CDYL: variants seen among roughly 807,000 people sequenced by gnomAD.
CDYL encodes the protein chromodomain Y-like protein.
CDYL carries 8 observed loss-of-function variants against 47.3 expected under a neutral mutation model. The ratio of observed to expected loss-of-function variants is 0.17; its 90% confidence interval spans 0.10 to 0.31. The LOEUF (loss-of-function observed/expected upper bound fraction) is 0.31. Ranked by LOEUF, CDYL falls within the 10% of genes least tolerant of loss-of-function variation. CDYL has a pLI of 1.00. For synonymous variants in CDYL, 266 were observed against 265.0 expected, an observed-to-expected ratio of 1.00 and a Z score of -0.04; for missense variants, 471 against 701.4, an observed-to-expected ratio of 0.67 and a Z score of 3.71.
chr6:4,894,267 A>G (rs1009194087), intron 2 of CDYL, among the ~76,000 whole-genome samples: 4 of 152,266 alleles, frequency 2.6e-5, no homozygotes, highest in Admixed American at 1.3e-4. Context: ...TCTTCCCAGC[A>G]TTGCTTGTTG....
chr6:4,760,480 G>A (rs1008268473), intron 3 of CDYL, among the ~76,000 whole-genome samples: 6 of 152,102 alleles, frequency 3.9e-5, no homozygotes, highest in Admixed American at 6.6e-5. Context: ...TGTGCTGAAT[G>A]CTAAAGACAC....
chr6:4,914,007 T>C (rs767708974), intron 2 of CDYL, among the ~76,000 whole-genome samples: 1 of 152,156 alleles, frequency 6.6e-6, no homozygotes, highest in African/African-American at 2.4e-5. Context: ...GACTGACTGC[T>C]CTCTCTATGG....
At chr6:4,886,287 ACT>A (rs1363528357) in intron 1 of CDYL, among the ~76,000 whole-genome samples, 1 of 151,892 alleles carries the variant, frequency 6.6e-6, no homozygotes, top group African/African-American at 2.4e-5. Context: ...TCATATGGTA[ACT>A]CTATTCGAGG....
At chr6:4,921,811 A>C (rs903076537) in intron 2 of CDYL, among the ~76,000 whole-genome samples, 1 of 151,868 alleles carries the variant, frequency 6.6e-6, no homozygotes, top group South Asian at 2.1e-4. Context: ...TTTTTTAACC[A>C]ATTACATTCA....
chr6:4,725,425 G>A (rs531150907), intron 2 of CDYL, among the ~76,000 whole-genome samples: 3 of 152,368 alleles, frequency 2.0e-5, no homozygotes, highest in East Asian at 1.9e-4. Flanking sequence ...AGCCCACAGC[G>A]AGGTGGGGAG....
At chr6:4,733,160 G>A (rs1223920799) in intron 2 of CDYL, 7 of 152,208 alleles carry the variant, frequency 4.6e-5, no homozygotes, top group Admixed American at 6.5e-5. Flanking sequence ...CTTCCCCAGG[G>A]CCTGAGCAGT....
intron 1 of CDYL, among the ~76,000 whole-genome samples, chr6:4,803,910 G>T (rs1352907712): frequency 6.6e-6 from 1 of 151,060 alleles, no homozygotes; most frequent in African/African-American, 2.4e-5. Context: ...CCTTATATTG[G>T]TGGTGTAAAT....
chr6:4,914,136 C>T (rs1158212546), intron 2 of CDYL, among the ~76,000 whole-genome samples: 1 of 151,318 alleles, frequency 6.6e-6, no homozygotes, highest in Admixed American at 6.6e-5. Context: ...GTCTTAGGCC[C>T]TGTGTGTCTC....
chr6:4,922,661 T>G (rs1189879646), intron 2 of CDYL, among the ~76,000 whole-genome samples: 1 of 152,252 alleles, frequency 6.6e-6, no homozygotes, highest in Non-Finnish European at 1.5e-5. Flanking sequence ...ATCATTGTTA[T>G]TTATCTGTGT....
chr6:4,805,661 G>A (rs1262077025), intron 1 of CDYL, among the ~76,000 whole-genome samples: 1 of 152,138 alleles, frequency 6.6e-6, no homozygotes, highest in African/African-American at 2.4e-5. Context: ...GAGACTGAAG[G>A]CCCGGGAACC....
chr6:4,774,196 G>C (rs1758380700), upstream of CDYL, among the ~76,000 whole-genome samples: 1 of 152,168 alleles, frequency 6.6e-6, no homozygotes, highest in Non-Finnish European at 1.5e-5. Flanking sequence ...TTGCATAATA[G>C]GCTTATATGT....
At chr6:4,832,935 T>A (rs1317718962) in intron 1 of CDYL, among the ~76,000 whole-genome samples, 1 of 152,048 alleles carries the variant, frequency 6.6e-6, no homozygotes. Context: ...CCCTTTATCA[T>A]TTTTTATTGC....
intron 2 of CDYL, among the ~76,000 whole-genome samples, chr6:4,726,136 G>C (rs562270069): frequency 2.0e-5 from 3 of 152,244 alleles, no homozygotes; most frequent in African/African-American, 7.2e-5. Flanking sequence ...AAATGGGCCC[G>C]GCACGGTGGC....
At chr6:4,949,523 T>C (rs1211287305) in intron 5 of CDYL, among the ~76,000 whole-genome samples, 1 of 152,250 alleles carries the variant, frequency 6.6e-6, no homozygotes, top group Non-Finnish European at 1.5e-5. Flanking sequence ...CCCATCTCTC[T>C]GGATGGTTCC....
chr6:4,904,905 A>T (rs1456279179), intron 2 of CDYL, among the ~76,000 whole-genome samples: 1 of 152,100 alleles, frequency 6.6e-6, no homozygotes, highest in Non-Finnish European at 1.5e-5. Context: ...CTGAGAAATA[A>T]TTATCACAGA....
intron 1 of CDYL, among the ~76,000 whole-genome samples, chr6:4,809,927 T>C (rs1759477948): frequency 6.6e-6 from 1 of 150,508 alleles, no homozygotes; most frequent in African/African-American, 2.5e-5. Context: ...ATGGTAGGGG[T>C]ATTATATTAG....
At chr6:4,807,320 G>A (rs1403171115) in intron 1 of CDYL, among the ~76,000 whole-genome samples, 1 of 152,136 alleles carries the variant, frequency 6.6e-6, no homozygotes, top group Non-Finnish European at 1.5e-5. Context: ...ACTTGGTTAC[G>A]GGGATGTCTG....
chr6:4,830,612 CATT>C (rs980502831), intron 1 of CDYL, among the ~76,000 whole-genome samples: 3 of 151,520 alleles, frequency 2.0e-5, no homozygotes, highest in Non-Finnish European at 4.4e-5. Context: ...TTTATTTTTT[CATT>C]ATTATACTTT....
At chr6:4,914,192 G>C (rs907071396) in intron 2 of CDYL, among the ~76,000 whole-genome samples, 2 of 143,242 alleles carry the variant, frequency 1.4e-5, no homozygotes, top group Non-Finnish European at 3.0e-5. Flanking sequence ...TCTGCTCAAG[G>C]AGTGAAAGAG....
Sources: gnomAD v4.1 joint callset for allele counts (sites outside exome capture counted in the v4.1 genomes callset) on GRCh38, gnomAD v4.1.1 for gene constraint, MANE v1.5 for transcripts, NCBI Gene and HGNC (gene_info 2026-07-23, HGNC 2026-07-21) for gene names.